The following MSR1 variants were observed in gnomAD, a reference collection of about 807,000 sequenced individuals.
The protein encoded by MSR1 is macrophage scavenger receptor 1.
MSR1 carries 53 observed loss-of-function variants against 47.2 expected under a neutral mutation model. The ratio of observed to expected loss-of-function variants is 1.12; its 90% confidence interval spans 0.90 to 1.41. The LOEUF is 1.41. Ranked by LOEUF, MSR1 falls within the 40% of genes most tolerant of loss-of-function variation. The pLI, the probability that MSR1 is intolerant of heterozygous loss-of-function variation, is 0.00. For missense variants in MSR1, 786 were observed against 546.9 expected, an observed-to-expected ratio of 1.44 and a Z score of -4.36; for synonymous variants, 239 against 185.6, an observed-to-expected ratio of 1.29 and a Z score of -2.34.
At chr8:16,127,205 G>T (rs912704469) in intron 8 of MSR1, among the ~76,000 whole-genome samples, 14 of 152,132 alleles carry the variant, frequency 9.2e-5, no homozygotes, top group Non-Finnish European at 1.5e-4. Context: ...GAATATCTGT[G>T]TGTCATGTCC....
At chr8:16,114,906 A>G (rs1799840827) in intron 9 of MSR1, among the ~76,000 whole-genome samples, 1 of 152,178 alleles carries the variant, frequency 6.6e-6, no homozygotes, top group Non-Finnish European at 1.5e-5. Flanking sequence ...GGCTGGGCAC[A>G]GTGGCTCATG....
intron 9 of MSR1, among the ~76,000 whole-genome samples, chr8:16,111,633 T>A (rs76903738): frequency 6.6e-6 from 1 of 151,974 alleles, no homozygotes; most frequent in Non-Finnish European, 1.5e-5. Context: ...TTTTTAGAAA[T>A]TGCAGTAAGG....
intron 8 of MSR1, among the ~76,000 whole-genome samples, chr8:16,127,789 T>C (rs140720345): frequency 2.0e-5 from 3 of 152,306 alleles, no homozygotes; most frequent in Non-Finnish European, 4.4e-5. Flanking sequence ...TTCTTAATTA[T>C]GTAAACCAAT....
At chr8:16,160,935 G>A (rs1050590422) in intron 5 of MSR1, among the ~76,000 whole-genome samples, 1 of 151,420 alleles carries the variant, frequency 6.6e-6, no homozygotes, top group Non-Finnish European at 1.5e-5. Context: ...CTAATGAGAA[G>A]ACATTGGAGG....
chr8:16,139,697 G>A, intron 8 of MSR1: 1 of 952,526 alleles, frequency 1.0e-6, no homozygotes, highest in Non-Finnish European at 1.2e-6. Context: ...TTTTATTTTT[G>A]GTTTAAATGG....
intron 1 of MSR1, among the ~76,000 whole-genome samples, chr8:16,189,967 T>C (rs1233930539): frequency 7.1e-6 from 1 of 140,092 alleles, no homozygotes; most frequent in Non-Finnish European, 1.5e-5. Flanking sequence ...CAGGCTGGAG[T>C]GTAATGGTGT....
intron 1 of MSR1, among the ~76,000 whole-genome samples, chr8:16,181,869 A>C (rs1801843656): frequency 1.3e-5 from 2 of 152,172 alleles, no homozygotes; most frequent in Admixed American, 1.3e-4. Context: ...ATGCTTTTTA[A>C]CTTTGAACTC....
chr8:16,167,255 G>C (rs351571), intron 4 of MSR1, among the ~76,000 whole-genome samples: 100,042 of 151,956 alleles, frequency 0.66, 33,535 homozygotes, highest in East Asian at 0.98. Context: ...AAAAGCATTC[G>C]ATGGTCAGCC....
At chr8:16,131,063 TC>T (rs1324545448) in intron 8 of MSR1, among the ~76,000 whole-genome samples, 1 of 152,138 alleles carries the variant, frequency 6.6e-6, no homozygotes, top group African/African-American at 2.4e-5. Flanking sequence ...CAAAGTGCTT[TC>T]CACAATAACT....
chr8:16,129,185 G>A (rs1800197116), intron 8 of MSR1, among the ~76,000 whole-genome samples: 1 of 152,064 alleles, frequency 6.6e-6, no homozygotes, highest in Non-Finnish European at 1.5e-5. Flanking sequence ...TAAAAATGCA[G>A]AATTATATAA....
chr8:16,179,441 T>A (rs558969802), intron 1 of MSR1, among the ~76,000 whole-genome samples: 2 of 152,328 alleles, frequency 1.3e-5, no homozygotes, highest in South Asian at 4.1e-4. Flanking sequence ...ATGATGCACA[T>A]ACAAATTGTC....
chr8:16,124,096 C>A (rs551467751), intron 8 of MSR1, among the ~76,000 whole-genome samples: 2 of 152,242 alleles, frequency 1.3e-5, no homozygotes, highest in South Asian at 4.1e-4. Flanking sequence ...CAGCCTATTT[C>A]TTAGTGATAG....
At chr8:16,133,684 T>A (rs1177319040) in intron 8 of MSR1, among the ~76,000 whole-genome samples, 1 of 152,180 alleles carries the variant, frequency 6.6e-6, no homozygotes, top group East Asian at 1.9e-4. Flanking sequence ...TACCTCTTGG[T>A]AGCCATTGCT....
intron 1 of MSR1, among the ~76,000 whole-genome samples, chr8:16,189,973 G>A (rs1374757029): frequency 7.5e-6 from 1 of 133,894 alleles, no homozygotes; most frequent in Non-Finnish European, 1.5e-5. Context: ...GGAGTGTAAT[G>A]GTGTGATCTC....
intron 4 of MSR1, 98 bp from the exon 5 acceptor site, chr8:16,164,349 T>C (rs2117170266): frequency 1.0e-6 from 1 of 959,242 alleles, no homozygotes; most frequent in African/African-American, 1.6e-5. Context: ...TTTAAAAACA[T>C]ATTATGGGAG....
In MSR1 at chr8:16,168,640, G is replaced by T. The variant is rs758618060; in HGVS notation, c.448C>A (p.Gln150Lys). The change falls in exon 4 of 10, where the codon CAA becomes AAA. Residue 150 changes from glutamine to lysine, a missense_variant. By Grantham distance (53) the Gln-to-Lys change is moderately conservative. Transcript: ENST00000262101. ...TGCAGAAGAATGTCATTAAATCTTTGATCAGTTGTCATGCTGAAATTTTGG... is the reference window on the plus strand; with the variant it reads ...TGCAGAAGAATGTCATTAAATCTTTTATCAGTTGTCATGCTGAAATTTTGG... ...HFQNFSMTTD[Q>K]RFNDILLQLS... The T allele has an allele frequency of 1.1e-5, 18 of 1,613,974 alleles. No homozygotes were observed. The Admixed American group carries it at 2.8e-4, about 25-fold the overall frequency.
intron 8 of MSR1, among the ~76,000 whole-genome samples, chr8:16,131,295 T>G (rs1404468016): frequency 6.6e-6 from 1 of 152,078 alleles, no homozygotes; most frequent in African/African-American, 2.4e-5. Context: ...CCTTTGAAAA[T>G]TGTCTGTTCA....
At chr8:16,190,152 C>A (rs1272309863) in intron 1 of MSR1, among the ~76,000 whole-genome samples, 1 of 152,024 alleles carries the variant, frequency 6.6e-6, no homozygotes, top group African/African-American at 2.4e-5. Context: ...CCCTCCTTGG[C>A]CTCCCAAAGT....
intron 4 of MSR1, 61 bp downstream of exon 4, chr8:16,168,397 G>T (rs2117181434): frequency 6.3e-7 from 1 of 1,580,736 alleles, no homozygotes; most frequent in Non-Finnish European, 8.7e-7. Context: ...TACTGCCTAA[G>T]GAGACGAGAC....
Sources: gnomAD v4.1 joint callset for allele counts (sites outside exome capture counted in the v4.1 genomes callset) on GRCh38, gnomAD v4.1.1 for gene constraint, MANE v1.5 for transcripts, NCBI Gene and HGNC (gene_info 2026-07-23, HGNC 2026-07-21) for gene names.